The following SGCZ variants were observed in gnomAD, a reference collection of about 807,000 sequenced individuals.
SGCZ encodes zeta-sarcoglycan.
In SGCZ, 40 loss-of-function variants were observed where a neutral mutation model predicts 41.3. The ratio of observed to expected loss-of-function variants is 0.97; its 90% CI spans 0.75 to 1.26. The LOEUF (loss-of-function observed/expected upper bound fraction) is 1.26. SGCZ is among the 50% of genes most tolerant of loss of function. SGCZ has a pLI of 0.00. For synonymous variants in SGCZ, 206 were observed against 137.5 expected, an observed-to-expected ratio of 1.50 and a Z score of -3.49; for missense variants, 552 against 369.8, an observed-to-expected ratio of 1.49 and a Z score of -4.04.
At chr8:15,207,293 G>A (rs566014827) in intron 1 of SGCZ, among the ~76,000 whole-genome samples, 8 of 152,272 alleles carry the variant, frequency 5.3e-5, no homozygotes, top group African/African-American at 1.9e-4. Context: ...GATATTTAGC[G>A]GGAATTATTT....
intron 5 of SGCZ, among the ~76,000 whole-genome samples, chr8:14,141,475 A>T (rs1177537156): frequency 6.6e-6 from 1 of 152,236 alleles, no homozygotes; most frequent in Non-Finnish European, 1.5e-5. Context: ...TACAGGAAAA[A>T]TCAAACAACC....
chr8:15,143,531 A>T (rs1798955389), intron 1 of SGCZ, among the ~76,000 whole-genome samples: 1 of 152,214 alleles, frequency 6.6e-6, no homozygotes, highest in African/African-American at 2.4e-5. Context: ...ATCATTGGAA[A>T]TTAGTTAAGT....
chr8:14,886,000 TA>T (rs1804782953), intron 1 of SGCZ, among the ~76,000 whole-genome samples: 1 of 83,786 alleles, frequency 1.2e-5, no homozygotes, highest in South Asian at 3.4e-4. Flanking sequence ...TATATATATA[TA>T]TATATATATA....
intron 2 of SGCZ, among the ~76,000 whole-genome samples, chr8:14,479,786 C>T (rs1396666115): frequency 7.6e-6 from 1 of 131,048 alleles, no homozygotes; most frequent in Non-Finnish European, 1.5e-5. Flanking sequence ...TTAGCTCTTG[C>T]AGTGCTTGGA....
intron 4 of SGCZ, among the ~76,000 whole-genome samples, chr8:14,221,145 A>C (rs1806179527): frequency 1.3e-5 from 2 of 152,334 alleles, no homozygotes; most frequent in South Asian, 4.1e-4. Flanking sequence ...AATGTACATA[A>C]AATCTATAAG....
chr8:14,656,194 A>G (rs948404688), intron 1 of SGCZ, among the ~76,000 whole-genome samples: 7 of 151,640 alleles, frequency 4.6e-5, no homozygotes, highest in Non-Finnish European at 7.4e-5. Flanking sequence ...ACTAACCAGC[A>G]AAGCAGAGAT....
chr8:14,252,701 A>G (rs1008366193), intron 3 of SGCZ, among the ~76,000 whole-genome samples: 1 of 152,158 alleles, frequency 6.6e-6, no homozygotes, highest in African/African-American at 2.4e-5. Context: ...AATTTTCAAG[A>G]GGCTCAAGGA....
intron 1 of SGCZ, among the ~76,000 whole-genome samples, chr8:15,088,682 C>T (rs2131058578): frequency 6.6e-6 from 1 of 152,172 alleles, no homozygotes; most frequent in South Asian, 2.1e-4. Flanking sequence ...TGATAAGACA[C>T]CCTTTCCCCC....
At chr8:14,774,729 C>T (rs111746171) in intron 1 of SGCZ, among the ~76,000 whole-genome samples, 19 of 152,294 alleles carry the variant, frequency 1.2e-4, no homozygotes, top group African/African-American at 4.6e-4. Context: ...GTTAATTGAA[C>T]CAATGATCTT....
At chr8:15,226,002 C>T (rs759712728) in intron 1 of SGCZ, among the ~76,000 whole-genome samples, 1 of 152,142 alleles carries the variant, frequency 6.6e-6, no homozygotes, top group Non-Finnish European at 1.5e-5. Context: ...AACAGCTAAA[C>T]GCAGCTATGA....
At position 14,523,286 on chromosome 8, in the gene SGCZ, T is replaced by C. The variant is rs529163252; in HGVS notation, c.234+31446A>G. The stretch of plus-strand genomic sequence containing the variant: ...CATTCTTACTCTTGATATTTTCATT[T>C]CCCTTTTATTATTTTATTTCTACTT... On this transcript the variant is annotated intron_variant, in intron 2 of 7. Coordinates refer to ENST00000382080, the MANE Select transcript of SGCZ (RefSeq NM_139167.4). Among the ~76,000 whole-genome samples the C allele has an allele frequency of 1.3e-3, 196 of 152,104 alleles. 2 individuals carry two copies. The highest frequency in any genetic ancestry group is 4.6e-3 in the African/African-American group (192 of 41,552).
At chr8:14,158,773 T>A (rs1311102539) in intron 5 of SGCZ, among the ~76,000 whole-genome samples, 4 of 152,176 alleles carry the variant, frequency 2.6e-5, no homozygotes, top group Non-Finnish European at 5.9e-5. Flanking sequence ...TAGTTTTCTA[T>A]GTTTGCTTGT....
At chr8:15,067,647 AAAT>A (rs1217567486) in intron 1 of SGCZ, among the ~76,000 whole-genome samples, 1 of 152,174 alleles carries the variant, frequency 6.6e-6, no homozygotes, top group Admixed American at 6.5e-5. Flanking sequence ...CAATTTGATA[AAAT>A]AATTCCACAT....
chr8:14,314,258 T>C (rs1801643548), intron 3 of SGCZ, among the ~76,000 whole-genome samples: 1 of 151,472 alleles, frequency 6.6e-6, no homozygotes, highest in South Asian at 2.1e-4. Flanking sequence ...GTCTCCCAGT[T>C]TTAATGAGGG....
In SGCZ at chr8:15,158,674, T is replaced by C. The variant is rs139520469; in HGVS notation, c.39+78911A>G. Among the ~76,000 whole-genome samples the C allele has an allele frequency of 7.1e-3, 1,074 of 152,304 alleles. 9 individuals carry two copies. The highest frequency in any genetic ancestry group is 0.022 in the African/African-American group (931 of 41,570). Reference sequence around the variant, plus strand: ...TCATGTGGAAAATATCTGGGTAGGTTCTTTGAATATAAATAGTGAGGCCTC... The same window carrying C: ...TCATGTGGAAAATATCTGGGTAGGTCCTTTGAATATAAATAGTGAGGCCTC... On this transcript the variant is annotated intron_variant, in intron 1 of 7. Coordinates refer to ENST00000382080, the MANE Select transcript of SGCZ (RefSeq NM_139167.4).
At chr8:14,919,662 A>T (rs1368872246) in intron 1 of SGCZ, among the ~76,000 whole-genome samples, 1 of 152,190 alleles carries the variant, frequency 6.6e-6, no homozygotes, top group Admixed American at 6.5e-5. Context: ...TCACGCCTGT[A>T]ACCTCAGCAC....
intron 1 of SGCZ, among the ~76,000 whole-genome samples, chr8:14,959,227 T>C (rs568693362): frequency 3.9e-4 from 60 of 152,252 alleles, no homozygotes; most frequent in African/African-American, 1.3e-3. Flanking sequence ...GAACATGATA[T>C]GTAATTGGTA....
chr8:14,386,642 T>C (rs1804588874), intron 2 of SGCZ, among the ~76,000 whole-genome samples: 1 of 152,216 alleles, frequency 6.6e-6, no homozygotes, highest in Non-Finnish European at 1.5e-5. Context: ...TCTCTAAATT[T>C]GGTTTACATT....
chr8:14,305,421 G>A (rs1801319081), intron 3 of SGCZ, among the ~76,000 whole-genome samples: 1 of 152,054 alleles, frequency 6.6e-6, no homozygotes, highest in South Asian at 2.1e-4. Context: ...ATCTCAATGA[G>A]GTTTCATGAG....
Sources: allele counts gnomAD v4.1 joint callset (sites outside exome capture counted in the v4.1 genomes callset), GRCh38; gene constraint gnomAD v4.1.1; transcripts MANE v1.5; gene names NCBI Gene and HGNC (gene_info 2026-07-23, HGNC 2026-07-21).